The following TANGO2 variants were observed in gnomAD, a reference collection of about 807,000 sequenced individuals.
TANGO2 encodes transport and golgi organization 2 homolog, also known as transport and Golgi organization protein 2 homolog.
Under a neutral mutation model 39.1 loss-of-function variants are expected in TANGO2, and 26 were observed. That is an observed-to-expected ratio of 0.67 (90% confidence interval 0.49 to 0.92). The LOEUF is 0.92. Among genes scored for constraint, TANGO2 ranks in the 40% least tolerant of loss-of-function variants. The pLI, the probability that TANGO2 is intolerant of heterozygous loss-of-function variation, is 0.00. For missense variants in TANGO2, 326 were observed against 360.1 expected (o/e 0.91, Z 0.77); for synonymous variants, 131 against 144.5 (o/e 0.91, Z 0.67).
chr22:20,049,711 C>A (rs1292225319), intron 3 of TANGO2, among the ~76,000 whole-genome samples: 1 of 151,498 alleles, frequency 6.6e-6, no homozygotes, highest in Non-Finnish European at 1.5e-5. Flanking sequence ...GGTCTGCCTT[C>A]TTTTTCGGGA....
Position 20,052,535 on chromosome 22 carries a change from A to G in TANGO2, c.216A>G (p.Ala72=), listed in dbSNP as rs914867085. Reference sequence around the variant, plus strand: ...TCAGCACACGTGGCAAGCTGGCAGCACTCACCAACTACCTGCAGCCGCAGC... The same window carrying G: ...TCAGCACACGTGGCAAGCTGGCAGCGCTCACCAACTACCTGCAGCCGCAGC... The part of the protein sequence containing the change: ...LGISTRGKLA[A]LTNYLQPQLD... The change falls in exon 4 of 9, where the codon GCA becomes GCG. Residue 72 remains alanine (A), a synonymous_variant. Transcript: ENST00000327374. 1 of 1,602,832 alleles carries G rather than the reference A, an allele frequency of 6.2e-7. No homozygotes were observed. Among genetic ancestry groups the G allele is most frequent in the African/African-American group, 1.3e-5 (1 of 74,562 alleles).
intron 2 of TANGO2, 126 bp from the exon 3 acceptor site, chr22:20,043,229 C>A: frequency 1.4e-6 from 1 of 691,610 alleles, no homozygotes; most frequent in Non-Finnish European, 2.5e-6. Flanking sequence ...AGCAGGACTG[C>A]CGGCTTCCTG....
At chr22:20,052,348 C>T (rs576019980) in intron 3 of TANGO2, 117 bp from the exon 4 acceptor site, 33 of 1,442,550 alleles carry the variant, frequency 2.3e-5, no homozygotes, top group Non-Finnish European at 2.4e-5. Flanking sequence ...GCATGTCGAA[C>T]GTCCTCGAGG....
rs559556463 is a variant in TANGO2, at chr22:20,061,733, G to A, written c.605+50G>A. The A allele has an allele frequency of 5.2e-4, 780 of 1,499,314 alleles. 2 individuals carry two copies. Among genetic ancestry groups the A allele is most frequent in the Middle Eastern group, 2.4e-3 (10 of 4,224 alleles). The allele number at this position is 1,499,314 out of a possible 1,614,324, so 92.9% of individuals were successfully genotyped here. A position where few individuals can be genotyped will look rare whatever the true frequency, so the allele number is the denominator to read the frequency against. On this transcript the variant is annotated intron_variant, in intron 7 of 8. Transcript: ENST00000327374. ...TGAGCCCCAGTGTCCCGCCACCAGGGCAGAGGGAAAGGCAGGCCCTGCTGC... is the reference window on the plus strand; with the variant it reads ...TGAGCCCCAGTGTCCCGCCACCAGGACAGAGGGAAAGGCAGGCCCTGCTGC...
chr22:20,039,100 A>ATT (rs11361191), intron 2 of TANGO2, among the ~76,000 whole-genome samples: 1 of 144,444 alleles, frequency 6.9e-6, no homozygotes, highest in Non-Finnish European at 1.5e-5. Flanking sequence ...TGCCCGGCTA[A>ATT]TTTTTTTTTT....
chr22:20,024,209 A>G (rs2040290292), intron 1 of TANGO2, among the ~76,000 whole-genome samples: 1 of 152,154 alleles, frequency 6.6e-6, no homozygotes, highest in African/African-American at 2.4e-5. Context: ...CAAGAGCAAA[A>G]CTCCATCTAA....
At chr22:20,021,685 AC>A (rs1176003896) in intron 1 of TANGO2, among the ~76,000 whole-genome samples, 2 of 152,162 alleles carry the variant, frequency 1.3e-5, no homozygotes, top group African/African-American at 2.4e-5. Flanking sequence ...TAGATCCCCC[AC>A]CCCCAACTCC....
In TANGO2 at chr22:20,043,398, T is replaced by C. The variant is rs748987102; in HGVS notation, c.100T>C (p.Ser34Pro). The C allele has an allele frequency of 6.2e-7, 1 of 1,613,660 alleles. No homozygotes were observed. The highest frequency in any genetic ancestry group is 2.2e-5 in the East Asian group (1 of 44,864). Residue 34 changes from serine (S) to proline (P), a missense_variant, in exon 3 of 9, where the codon TCC becomes CCC. By Grantham distance (74) the Ser-to-Pro change is moderately conservative. Coordinates refer to ENST00000327374, the MANE Select transcript of TANGO2 (RefSeq NM_152906.7). ...ANRDEFYSRP[S>P]KLADFWGNNN... is the part of the protein sequence containing the mutation. ...CAGGGATGAATTCTACAGCCGACCCTCCAAGTTAGCTGACTTCTGGGGGAA... is the reference window on the plus strand; with the variant it reads ...CAGGGATGAATTCTACAGCCGACCCCCCAAGTTAGCTGACTTCTGGGGGAA...
chr22:20,026,658 C>CTACG (rs1478124330), intron 1 of TANGO2, among the ~76,000 whole-genome samples: 2 of 152,266 alleles, frequency 1.3e-5, no homozygotes, highest in African/African-American at 4.8e-5. Context: ...ACCAGCTGCA[C>CTACG]TACGGGTCAG....
At position 20,064,289 on chromosome 22, in the gene TANGO2, G is replaced by A. The variant is rs139836474; in HGVS notation, c.711-253G>A. 4.1e-3 allele frequency among the ~76,000 whole-genome samples: 626 copies of A among 152,344 alleles called. 4 individuals carry two copies. The highest frequency in any genetic ancestry group is 0.014 in the African/African-American group (591 of 41,576). On this transcript the variant is annotated intron_variant, in intron 8 of 8. Transcript: ENST00000327374. ...CATGCTACACGGGGAGAGCAGGGCA[G>A]GGTGGGGTGGTTCCCAGTGAAGGTG...
intron 3 of TANGO2, among the ~76,000 whole-genome samples, chr22:20,047,232 G>GTTTT (rs113268323): frequency 1.6e-4 from 21 of 132,318 alleles, no homozygotes; most frequent in African/African-American, 2.6e-4. Context: ...TGGTTTGTTT[G>GTTTT]TTTTTTTTTT....
Position 20,064,743 on chromosome 22 carries a change from A to G in TANGO2, c.*81A>G. ...TGTGGACAGGAAACCTTCCTTTGCC[A>G]TACTGCATTGCACTGCCCGTGGCTT... On this transcript the variant is annotated 3_prime_UTR_variant, in exon 9 of 9. Coordinates refer to ENST00000327374, the MANE Select transcript of TANGO2 (RefSeq NM_152906.7). 3 of 1,564,588 alleles carry G rather than the reference A, an allele frequency of 1.9e-6. No individual in the cohort carries two copies. The highest frequency in any genetic ancestry group is 2.3e-5 in the South Asian group (2 of 85,246).
At chr22:20,043,296 A>G in intron 2 of TANGO2, 59 bp from the exon 3 acceptor site, 1 of 1,329,992 alleles carries the variant, frequency 7.5e-7, no homozygotes, top group Non-Finnish European at 1.1e-6. Flanking sequence ...GTGAAAAGAG[A>G]AAAAGACTTG....
chr22:20,032,247 T>C (rs1449853132), intron 1 of TANGO2, among the ~76,000 whole-genome samples: 1 of 152,202 alleles, frequency 6.6e-6, no homozygotes, highest in South Asian at 2.1e-4. Context: ...GTTGACAGAA[T>C]GGAGAGGGGT....
chr22:20,020,884 C>T (rs1343644705), upstream of TANGO2, among the ~76,000 whole-genome samples: 3 of 152,154 alleles, frequency 2.0e-5, no homozygotes, highest in African/African-American at 7.2e-5. Flanking sequence ...CCGAAGGCCG[C>T]TGGATCAGGA....
chr22:20,017,133 G>T (rs895224464), upstream of TANGO2: 11 of 152,262 alleles, frequency 7.2e-5, no homozygotes, highest in Non-Finnish European at 1.6e-4. Flanking sequence ...GACTGGCAGA[G>T]CCGGCGCCCC....
intron 2 of TANGO2, among the ~76,000 whole-genome samples, chr22:20,042,042 T>C (rs2044056856): frequency 6.6e-6 from 1 of 151,786 alleles, no homozygotes; most frequent in African/African-American, 2.4e-5. Context: ...AGTGCAATGG[T>C]GCAGTCACAG....
intron 7 of TANGO2, 183 bp downstream of exon 7, chr22:20,061,866 C>T (rs1006945340): frequency 1.3e-6 from 1 of 768,956 alleles, no homozygotes. Flanking sequence ...GTTTCCAACA[C>T]CAGGGACTTT....
chr22:20,024,599 A>G (rs2040375120), intron 1 of TANGO2, among the ~76,000 whole-genome samples: 1 of 152,350 alleles, frequency 6.6e-6, no homozygotes, highest in Middle Eastern at 3.4e-3. Flanking sequence ...AAATGGGGGC[A>G]GCAGACTGTA....
Sources: allele counts gnomAD v4.1 joint callset (sites outside exome capture counted in the v4.1 genomes callset), GRCh38; gene constraint gnomAD v4.1.1; transcripts MANE v1.5; gene names NCBI Gene and HGNC (gene_info 2026-07-23, HGNC 2026-07-21).